SEMA5A: variants seen among roughly 807,000 people sequenced by gnomAD.
SEMA5A encodes the protein semaphorin-5A.
In SEMA5A, 55 loss-of-function variants were observed where a neutral mutation model predicts 135.5. The ratio of observed to expected loss-of-function variants is 0.41; its 90% CI spans 0.33 to 0.51. SEMA5A has a LOEUF of 0.51. Ranked by LOEUF, SEMA5A falls within the 20% of genes least tolerant of loss-of-function variation. SEMA5A has a pLI of 0.37. For synonymous variants in SEMA5A, 580 were observed against 546.5 expected (o/e 1.06, Z -0.85); for missense variants, 1,290 against 1,419.9 (o/e 0.91, Z 1.47).
intron 5 of SEMA5A, among the ~76,000 whole-genome samples, chr5:9,283,478 A>C (rs992530403): frequency 2.0e-5 from 3 of 152,162 alleles, no homozygotes; most frequent in African/African-American, 7.2e-5. Flanking sequence ...CCTTTTAAAG[A>C]CTTGCCTGTT....
intron 9 of SEMA5A, among the ~76,000 whole-genome samples, chr5:9,199,451 C>T (rs1745587280): frequency 6.6e-6 from 1 of 152,198 alleles, no homozygotes; most frequent in African/African-American, 2.4e-5. Flanking sequence ...GGATTGTCTA[C>T]AGGAAGTACA....
At chr5:9,495,661 A>G (rs1735266698) in intron 1 of SEMA5A, among the ~76,000 whole-genome samples, 1 of 152,216 alleles carries the variant, frequency 6.6e-6, no homozygotes, top group Admixed American at 6.5e-5. Flanking sequence ...ATGCGTCCAC[A>G]GGAGGATGAA....
intron 8 of SEMA5A, among the ~76,000 whole-genome samples, chr5:9,206,295 T>C (rs917060174): frequency 9.2e-5 from 14 of 152,172 alleles, no homozygotes; most frequent in African/African-American, 3.4e-4. Context: ...TTGTAAAACA[T>C]ACTGAGTTAT....
chr5:9,449,633 A>G (rs939528357), intron 1 of SEMA5A, among the ~76,000 whole-genome samples: 9 of 152,186 alleles, frequency 5.9e-5, no homozygotes, highest in African/African-American at 1.7e-4. Flanking sequence ...TTTTTATCTC[A>G]GAATGTGTGT....
rs768565735 is a variant in SEMA5A, at chr5:9,202,067, C to A, written c.820G>T (p.Ala274Ser). 15 of 1,614,198 alleles carry A rather than the reference C, an allele frequency of 9.3e-6. No homozygotes were observed. The highest frequency in any genetic ancestry group is 1.3e-5 in the Non-Finnish European group (15 of 1,180,044). Residue 274 changes from alanine to serine, a missense_variant, in exon 9 of 23, where the codon GCT becomes TCT. By Grantham distance (99) the Ala-to-Ser change is moderately conservative. Around this residue, in one of 3 missense-constraint regions of SEMA5A, gnomAD observed 1,029 missense variants for 1,086.6 expected, o/e 0.95. Transcript: ENST00000382496. ...CCAGGACGGGAGCAGTTCAGGCGAG[C>A]CTTCATGAATGTGGTCCAGGTGTCT... ...LEDTWTTFMK[A>S]RLNCSRPGEV...
chr5:9,178,663 G>T (rs531920072), intron 11 of SEMA5A, among the ~76,000 whole-genome samples: 1 of 152,066 alleles, frequency 6.6e-6, no homozygotes, highest in Non-Finnish European at 1.5e-5. Context: ...CCAGTATTCT[G>T]TATAGATAAT....
intron 5 of SEMA5A, among the ~76,000 whole-genome samples, chr5:9,258,803 CT>C (rs748703578): frequency 6.1e-5 from 3 of 48,988 alleles, no homozygotes; most frequent in Non-Finnish European, 1.0e-4. Flanking sequence ...TTCTTTCTTT[CT>C]TTTTTTTTTT....
chr5:9,051,993 C>T lies in SEMA5A; in HGVS notation c.2725G>A (p.Glu909Lys), dbSNP rs766272445. The T allele has an allele frequency of 6.2e-7, 1 of 1,613,358 alleles. No homozygotes were observed. Among genetic ancestry groups the T allele is most frequent in the African/African-American group, 1.3e-5 (1 of 74,906 alleles). ...WSEWSDWSEC[E>K]ASGVQVRARQ... is the part of the protein sequence containing the mutation. The stretch of plus-strand genomic sequence containing the variant: ...GCGCGGACTTGGACGCCAGAGGCTT[C>T]ACACTCAGACCAGTCCGACCACTCC... Residue 909 changes from glutamate (E) to lysine (K), a missense_variant, in exon 20 of 23, where the codon GAA becomes AAA. Physicochemically the swap from Glu to Lys is moderately conservative, Grantham distance 56. Coordinates refer to ENST00000382496, the MANE Select transcript of SEMA5A (RefSeq NM_003966.3).
chr5:9,489,100 C>T (rs1448064313), intron 1 of SEMA5A, among the ~76,000 whole-genome samples: 1 of 152,096 alleles, frequency 6.6e-6, no homozygotes, highest in African/African-American at 2.4e-5. Context: ...CAAGGGCTTT[C>T]CCAATACTCA....
chr5:9,509,436 G>A (rs1477048816), intron 1 of SEMA5A, among the ~76,000 whole-genome samples: 14 of 151,978 alleles, frequency 9.2e-5, no homozygotes, highest in South Asian at 2.1e-4. Context: ...CACCACGCCC[G>A]GCTAATTTTT....
At chr5:9,522,878 G>C (rs186158139) in intron 1 of SEMA5A, 1 of 152,162 alleles carries the variant, frequency 6.6e-6, no homozygotes, top group Non-Finnish European at 1.5e-5. Context: ...TGAGATAGAC[G>C]TGGCTTCCCT....
At chr5:9,085,105 C>G (rs1356592099) in intron 16 of SEMA5A, among the ~76,000 whole-genome samples, 1 of 152,132 alleles carries the variant, frequency 6.6e-6, no homozygotes, top group African/African-American at 2.4e-5. Flanking sequence ...AGTGGCAAAG[C>G]ATTCAAGTGG....
intron 1 of SEMA5A, among the ~76,000 whole-genome samples, chr5:9,519,001 A>C (rs1310554394): frequency 6.6e-6 from 1 of 152,164 alleles, no homozygotes; most frequent in African/African-American, 2.4e-5. Flanking sequence ...GGGTTAAATT[A>C]ATAACTATGG....
At chr5:9,065,421 C>T (rs1214109984) in intron 17 of SEMA5A, among the ~76,000 whole-genome samples, 1 of 152,236 alleles carries the variant, frequency 6.6e-6, no homozygotes, top group Non-Finnish European at 1.5e-5. Flanking sequence ...ACAATAAATT[C>T]TGTCCAACGT....
chr5:9,479,079 C>T (rs1390540420), intron 1 of SEMA5A, among the ~76,000 whole-genome samples: 2 of 152,176 alleles, frequency 1.3e-5, no homozygotes, highest in Admixed American at 6.5e-5. Context: ...CTGCCACCTA[C>T]ATGTACGACG....
rs1282857909 is a variant in SEMA5A, at chr5:9,412,504, T to G, written c.-78+25252A>C. On this transcript the variant is annotated intron_variant, in intron 2 of 22. Transcript: ENST00000382496. ...CTACTTCATTGCTTTTTTTTTTTTT[T>G]TTTCACATGGAACAGTCCCCCTTGT... Among the ~76,000 whole-genome samples the G allele has an allele frequency of 5.3e-5, 8 of 151,630 alleles. No homozygotes were observed. In the East Asian group the frequency reaches 1.6e-3, roughly 29 times the overall value.
In SEMA5A at chr5:9,119,088, C is replaced by G; in HGVS notation, c.1835G>C (p.Gly612Ala). The G allele has an allele frequency of 1.2e-6, 2 of 1,613,904 alleles. No individual in the cohort carries two copies. Among genetic ancestry groups the G allele is most frequent in the Non-Finnish European group, 1.7e-6 (2 of 1,179,978 alleles). The change falls in exon 15 of 23, where the codon GGG becomes GCG. Residue 612 changes from glycine to alanine, a missense_variant. This residue lies in a region of SEMA5A where 1,029 missense variants were observed against 1,086.6 expected (regional missense o/e 0.95). Transcript: ENST00000382496. The stretch of plus-strand genomic sequence containing the variant: ...GCGCTGCCGCACCTGGAAGCCGATC[C>G]CACAGGTAGTGCTGCAGGGAGACCA... Reference protein sequence around the residue: ...TSWSPCSTTCGIGFQVRQRSC... With the variant: ...TSWSPCSTTCAIGFQVRQRSC...
chr5:9,435,624 G>A (rs1319322906), intron 2 of SEMA5A, among the ~76,000 whole-genome samples: 3 of 152,098 alleles, frequency 2.0e-5, no homozygotes, highest in African/African-American at 7.2e-5. Flanking sequence ...ATACTATGAG[G>A]TCTTCGGCAG....
chr5:9,301,983 C>A (rs1212175716), intron 5 of SEMA5A, among the ~76,000 whole-genome samples: 2 of 152,182 alleles, frequency 1.3e-5, no homozygotes, highest in East Asian at 3.9e-4. Context: ...TCGCCCCTTG[C>A]AGCTCTGAGT....
Sources: allele counts gnomAD v4.1 joint callset (sites outside exome capture counted in the v4.1 genomes callset), GRCh38; gene constraint gnomAD v4.1.1; regional missense constraint gnomAD v4.1.1; transcripts MANE v1.5; gene names NCBI Gene and HGNC (gene_info 2026-07-23, HGNC 2026-07-21).